Variants in BRSK2 observed in about 807,000 individuals in gnomAD.
BRSK2 encodes the protein serine/threonine-protein kinase BRSK2.
In BRSK2, 19 loss-of-function variants were observed where a neutral mutation model predicts 83.3. That is an observed-to-expected ratio of 0.23 (90% confidence interval 0.16 to 0.33). BRSK2 has a LOEUF of 0.33. BRSK2 is among the 10% of genes least tolerant of loss of function. The pLI, the probability that BRSK2 is intolerant of heterozygous loss-of-function variation, is 1.00. For missense variants in BRSK2, 798 were observed against 1,042.3 expected, an observed-to-expected ratio of 0.77 and a Z score of 3.23; for synonymous variants, 519 against 435.4, an observed-to-expected ratio of 1.19 and a Z score of -2.39.
chr11:1,444,376 G>A (rs1851739986), intron 8 of BRSK2, among the ~76,000 whole-genome samples: 1 of 152,146 alleles, frequency 6.6e-6, no homozygotes, highest in Non-Finnish European at 1.5e-5. Flanking sequence ...CCAGGGTAGC[G>A]TTGACCTGTT....
At position 1,459,184 on chromosome 11, in the gene BRSK2, T is replaced by C. The variant is rs1336293923; in HGVS notation, c.1940-8T>C. 6.8e-6 allele frequency: 11 copies of C among 1,613,536 alleles called. No homozygotes were observed. Among genetic ancestry groups the C allele is most frequent in the Non-Finnish European group, 9.3e-6 (11 of 1,179,668 alleles). On this transcript the variant is annotated splice_polypyrimidine_tract_variant and splice_region_variant and intron_variant, in intron 18 of 19. Transcript: ENST00000528841. The stretch of plus-strand genomic sequence containing the variant: ...CTCCCTCCCTCCTCTCTCCATTCTG[T>C]ACTCCAGACACCACTAACTGTATGG...
chr11:1,425,309 G>T (rs1313504355), intron 1 of BRSK2, among the ~76,000 whole-genome samples: 2 of 152,184 alleles, frequency 1.3e-5, no homozygotes, highest in Non-Finnish European at 1.5e-5. Context: ...CTTCCTGGGG[G>T]GTCCCGCAGG....
At chr11:1,445,034 C>T (rs1245066609) in intron 9 of BRSK2, 32 bp downstream of exon 9, 4 of 1,607,152 alleles carry the variant, frequency 2.5e-6, no homozygotes, top group Non-Finnish European at 1.7e-6. Flanking sequence ...TAATCGCCTG[C>T]TTTGCCTGTT....
At chr11:1,411,235 T>G (rs1233645089) in intron 1 of BRSK2, 1 of 1,266,320 alleles carries the variant, frequency 7.9e-7, no homozygotes, top group East Asian at 3.1e-5. Context: ...TGCTCTGAGC[T>G]TCCTTCCTCA....
intron 3 of BRSK2, among the ~76,000 whole-genome samples, chr11:1,439,365 G>A (rs116890950): frequency 0.026 from 4,019 of 152,184 alleles, 64 homozygotes; most frequent in Non-Finnish European, 0.033. Context: ...TGGGGAGCCC[G>A]CCTGCCCCAC....
intron 1 of BRSK2, among the ~76,000 whole-genome samples, chr11:1,408,990 GTC>G (rs1847131562): frequency 6.6e-6 from 1 of 151,772 alleles, no homozygotes; most frequent in Non-Finnish European, 1.5e-5. Flanking sequence ...GTGTGTGTAT[GTC>G]TGTGCAGGGG....
chr11:1,393,705 G>T (rs2134007953), intron 1 of BRSK2, among the ~76,000 whole-genome samples: 1 of 152,272 alleles, frequency 6.6e-6, no homozygotes, highest in South Asian at 2.1e-4. Context: ...ACAGGTGAGG[G>T]GAGGGAGAGC....
At chr11:1,406,973 G>C (rs973208311) in intron 1 of BRSK2, among the ~76,000 whole-genome samples, 7 of 152,190 alleles carry the variant, frequency 4.6e-5, no homozygotes, top group African/African-American at 1.7e-4. Context: ...GCGTGCAAAC[G>C]TGTGTGCGCA....
intron 2 of BRSK2, among the ~76,000 whole-genome samples, chr11:1,437,108 C>T (rs1417562174): frequency 3.3e-5 from 5 of 151,864 alleles, no homozygotes; most frequent in African/African-American, 7.3e-5. Context: ...GCCAGGACAG[C>T]GCCTGGCAGA....
At chr11:1,433,354 G>A (rs1849844735) in intron 1 of BRSK2, among the ~76,000 whole-genome samples, 1 of 152,256 alleles carries the variant, frequency 6.6e-6, no homozygotes, top group Non-Finnish European at 1.5e-5. Context: ...CCTGGGGCAG[G>A]GTGTGGGCCC....
At chr11:1,457,836 G>A (rs1189842520) in intron 18 of BRSK2, among the ~76,000 whole-genome samples, 1 of 93,906 alleles carries the variant, frequency 1.1e-5, no homozygotes, top group Non-Finnish European at 2.7e-5. Flanking sequence ...CTGCGGGCTG[G>A]GGGCTGAGGT....
chr11:1,405,804 C>CG (rs1346574947), intron 1 of BRSK2, among the ~76,000 whole-genome samples: 12 of 152,170 alleles, frequency 7.9e-5, no homozygotes, highest in Admixed American at 7.2e-4. Flanking sequence ...CTCCAGCGCT[C>CG]GGTCCTTCCT....
chr11:1,441,057 A>G (rs1410936084), intron 4 of BRSK2, 129 bp downstream of exon 4: 1 of 641,182 alleles, frequency 1.6e-6, no homozygotes, highest in Non-Finnish European at 2.3e-6. Context: ...CATGCCCCCC[A>G]TTAGCTGCCC....
rs772122159 is a variant in BRSK2, at chr11:1,460,940, C to G, written c.*217C>G. 2 of 1,612,138 alleles carry G rather than the reference C, an allele frequency of 1.2e-6. No individual in the cohort carries two copies. Among genetic ancestry groups the G allele is most frequent in the African/African-American group, 2.7e-5 (2 of 74,910 alleles). On this transcript the variant is annotated 3_prime_UTR_variant, in exon 20 of 20. Transcript: ENST00000528841. ...TGTCTCTGCCTCTGCCTGTCTCTGA[C>G]AGCATCGCTTGTTTCCACTCTGATA...
chr11:1,446,190 T>TTGGGC (rs1457330556), intron 12 of BRSK2, among the ~76,000 whole-genome samples: 1 of 115,478 alleles, frequency 8.7e-6, no homozygotes, highest in Non-Finnish European at 1.7e-5. Context: ...CTGGGCTAGT[T>TTGGGC]TGGGCTGGGC....
chr11:1,436,150 GAGGGA>G lies in BRSK2; in HGVS notation c.186+17_186+21del. On this transcript the variant is annotated intron_variant, in intron 2 of 19. Transcript: ENST00000528841. ...GCTGATGAAGGTGGGTGGGGCCGGG[GAGGGA>G]GGCGGGGCCGGCGGTGGGGTGGGGC... 2.1e-6 allele frequency: 2 copies of G among 944,614 alleles called. No homozygotes were observed. Among genetic ancestry groups the G allele is most frequent in the Non-Finnish European group, 3.1e-6 (2 of 652,190 alleles). The allele number at this position is 944,614 out of a possible 1,614,324, so 58.5% of individuals were successfully genotyped here.
chr11:1,392,697 G>T (rs902807842), intron 1 of BRSK2, among the ~76,000 whole-genome samples: 2 of 152,204 alleles, frequency 1.3e-5, no homozygotes, highest in Non-Finnish European at 2.9e-5. Flanking sequence ...CCCCCACCGG[G>T]GCCTGGAGGA....
At chr11:1,400,396 G>A (rs1357861846) in intron 1 of BRSK2, among the ~76,000 whole-genome samples, 1 of 152,178 alleles carries the variant, frequency 6.6e-6, no homozygotes, top group Non-Finnish European at 1.5e-5. Flanking sequence ...CTGGGGTGGC[G>A]GTGGCCTCCT....
chr11:1,440,609 GC>G (rs1335774937), intron 3 of BRSK2, among the ~76,000 whole-genome samples, 178 bp from the exon 4 acceptor site: 2 of 151,242 alleles, frequency 1.3e-5, no homozygotes, highest in Admixed American at 1.3e-4. Flanking sequence ...ACCCCCAGGA[GC>G]CCAGATGGTT....
Sources: gnomAD v4.1 joint callset for allele counts (sites outside exome capture counted in the v4.1 genomes callset) on GRCh38, gnomAD v4.1.1 for gene constraint, MANE v1.5 for transcripts, NCBI Gene and HGNC (gene_info 2026-07-23, HGNC 2026-07-21) for gene names.